Variants in ZDHHC11B observed in about 807,000 individuals in gnomAD.
The protein encoded by ZDHHC11B is zDHHC palmitoyltransferase 11B (putative), also known as probable palmitoyltransferase ZDHHC11B.
Under a neutral mutation model 42.3 loss-of-function variants are expected in ZDHHC11B, and 17 were observed. The ratio of observed to expected loss-of-function variants is 0.40; its 90% confidence interval spans 0.27 to 0.60. The LOEUF (loss-of-function observed/expected upper bound fraction) is 0.60, where lower values mean the gene tolerates loss of function less well. Ranked by LOEUF, ZDHHC11B falls within the 20% of genes least tolerant of loss-of-function variation. ZDHHC11B has a pLI of 0.41. For missense variants in ZDHHC11B, 262 were observed against 463.2 expected (o/e 0.57, Z 3.99); for synonymous variants, 123 against 193.5 (o/e 0.64, Z 3.02).
At chr5:717,185 T>C (rs1182158432) in intron 12 of ZDHHC11B, among the ~76,000 whole-genome samples, 1 of 151,416 alleles carries the variant, frequency 6.6e-6, no homozygotes. Context: ...AGTGGCGAAA[T>C]GTGGGGCCCA....
intron 1 of ZDHHC11B, among the ~76,000 whole-genome samples, chr5:777,789 C>T (rs1177714732): frequency 6.6e-6 from 1 of 151,992 alleles, no homozygotes; most frequent in Non-Finnish European, 1.5e-5. Flanking sequence ...AGCCCCGCAG[C>T]AGGCGGAGCT....
At position 710,803 on chromosome 5, in the gene ZDHHC11B, C is replaced by T. The variant is rs533357424; in HGVS notation, c.*1487G>A. The T allele has an allele frequency of 7.9e-4, 120 of 150,962 alleles. 1 individual carries two copies. Among genetic ancestry groups the T allele is most frequent in the South Asian group, 2.6e-3 (12 of 4,534 alleles). The allele number at this position is 150,962 out of a possible 1,614,324, so 9.4% of individuals were successfully genotyped here. On this transcript the variant is annotated 3_prime_UTR_variant, in exon 14 of 14. Coordinates refer to ENST00000508859, the MANE Select transcript of ZDHHC11B (RefSeq NM_001351303.2). The stretch of plus-strand genomic sequence containing the variant: ...TTTCCCAGTACTGTGCTCCCATTTC[C>T]GAATACTGTGCTCCCATTTCCCAGT...
intron 13 of ZDHHC11B, among the ~76,000 whole-genome samples, chr5:715,673 C>T (rs1303692324): frequency 5.3e-5 from 8 of 151,664 alleles, no homozygotes; most frequent in Admixed American, 5.3e-4. Context: ...TCTCAAACGC[C>T]TTTTTTCTAG....
intron 12 of ZDHHC11B, among the ~76,000 whole-genome samples, chr5:730,004 A>G (rs955603915): frequency 6.6e-6 from 1 of 151,106 alleles, no homozygotes; most frequent in African/African-American, 2.4e-5. Context: ...TCAGCTTTTT[A>G]GTTTGGAGGG....
At chr5:779,248 C>T (rs1254539555) in intron 1 of ZDHHC11B, among the ~76,000 whole-genome samples, 3 of 150,928 alleles carry the variant, frequency 2.0e-5, no homozygotes, top group Admixed American at 6.6e-5. Context: ...GAAGCTGACT[C>T]ATGAGATGCC....
Position 773,874 on chromosome 5 carries a change from G to C in ZDHHC11B, c.-229-4944C>G, listed in dbSNP as rs1206881622. On this transcript the variant is annotated intron_variant, in intron 1 of 13. Transcript: ENST00000508859. ...AGGGAGTCAGGAGGATGGTGCCTACGGGCTCACCCACAGGTGTGGGCAAGA... is the reference window on the plus strand; with the variant it reads ...AGGGAGTCAGGAGGATGGTGCCTACCGGCTCACCCACAGGTGTGGGCAAGA... Among the ~76,000 whole-genome samples, 4 of 151,940 alleles carry C rather than the reference G, an allele frequency of 2.6e-5. 1 individual carries two copies.
chr5:751,739 C>T (rs114485487), intron 6 of ZDHHC11B, among the ~76,000 whole-genome samples: 3,960 of 126,666 alleles, frequency 0.031, 210 homozygotes, highest in African/African-American at 0.097. Context: ...CTGTGCCATC[C>T]TGTGACGCCC....
chr5:757,616 C>G (rs1264078335), intron 4 of ZDHHC11B, among the ~76,000 whole-genome samples: 1 of 151,954 alleles, frequency 6.6e-6, no homozygotes, highest in Non-Finnish European at 1.5e-5. Flanking sequence ...CTGGTTCCGA[C>G]TGAAATGCAG....
At chr5:732,863 G>T (rs202035548) in intron 11 of ZDHHC11B, among the ~76,000 whole-genome samples, 3 of 151,970 alleles carry the variant, frequency 2.0e-5, no homozygotes, top group South Asian at 4.2e-4. Flanking sequence ...GCCTGGACAA[G>T]AGAGTGAGAT....
In ZDHHC11B at chr5:746,482, G is replaced by A. The variant is rs1156610464; in HGVS notation, c.785-1184C>T. Among the ~76,000 whole-genome samples, 7 of 131,380 alleles carry A rather than the reference G, an allele frequency of 5.3e-5. 1 individual carries two copies. Among genetic ancestry groups the A allele is most frequent in the South Asian group, 6.5e-4 (2 of 3,058 alleles). 86.2% of individuals were successfully genotyped at this position (131,380 alleles called of 152,430 possible). On this transcript the variant is annotated intron_variant, in intron 8 of 13. Transcript: ENST00000508859. ...ATCCTGCCTCCTGCCCACAGCAGCC[G>A]CCTGCCTGTCCTTTCATGTTTCTGC... is the stretch of plus-strand genomic sequence containing the variant.
intron 12 of ZDHHC11B, among the ~76,000 whole-genome samples, chr5:717,359 A>T (rs1298782493): frequency 6.6e-6 from 1 of 151,630 alleles, no homozygotes; most frequent in Non-Finnish European, 1.5e-5. Context: ...CAATGACTTG[A>T]TTGTTTATGT....
intron 1 of ZDHHC11B, among the ~76,000 whole-genome samples, chr5:777,818 A>G (rs578032059): frequency 0.013 from 1,914 of 151,124 alleles, 18 homozygotes; most frequent in African/African-American, 0.031. Context: ...GTACTGCGCC[A>G]CGCGCCCGCA....
chr5:780,056 G>A (rs1221363352), intron 1 of ZDHHC11B, among the ~76,000 whole-genome samples: 2 of 146,042 alleles, frequency 1.4e-5, no homozygotes, highest in Non-Finnish European at 3.0e-5. Context: ...AAATCATAAG[G>A]CTTCCACACA....
At chr5:780,993 A>G (rs1736917561) in intron 1 of ZDHHC11B, among the ~76,000 whole-genome samples, 1 of 146,978 alleles carries the variant, frequency 6.8e-6, no homozygotes, top group Non-Finnish European at 1.5e-5. Flanking sequence ...CCCTGGGCTC[A>G]GGGGGAGGGG....
intron 12 of ZDHHC11B, among the ~76,000 whole-genome samples, chr5:720,661 ACTCTTTTTTT>A (rs1359411123): frequency 1.3e-5 from 2 of 151,838 alleles, no homozygotes; most frequent in African/African-American, 4.9e-5. Context: ...TGGGTTTGTA[ACTCTTTTTTT>A]CTATATAATT....
chr5:777,759 G>C (rs539189155), intron 1 of ZDHHC11B, among the ~76,000 whole-genome samples: 3 of 152,092 alleles, frequency 2.0e-5, no homozygotes, highest in Non-Finnish European at 2.9e-5. Context: ...AGTCTAGCTA[G>C]CTTTCTCTAT....
At chr5:746,110 G>T (rs910828742) in intron 8 of ZDHHC11B, among the ~76,000 whole-genome samples, 1 of 148,978 alleles carries the variant, frequency 6.7e-6, no homozygotes, top group Non-Finnish European at 1.5e-5. Flanking sequence ...CTTAACAAAC[G>T]TTAATAAAAT....
intron 11 of ZDHHC11B, chr5:732,579 G>A (rs1158305823): frequency 6.8e-6 from 3 of 438,138 alleles, no homozygotes; most frequent in Non-Finnish European, 1.4e-5. Flanking sequence ...CAGCCTCACT[G>A]TTCCTCCAGG....
chr5:716,630 A>G (rs1741769770), intron 13 of ZDHHC11B, among the ~76,000 whole-genome samples, 171 bp downstream of exon 13: 1 of 151,800 alleles, frequency 6.6e-6, no homozygotes, highest in African/African-American at 2.4e-5. Flanking sequence ...CACTACTTCT[A>G]AAGATGGACA....
Sources: allele counts gnomAD v4.1 joint callset (sites outside exome capture counted in the v4.1 genomes callset), GRCh38; gene constraint gnomAD v4.1.1; transcripts MANE v1.5; gene names NCBI Gene and HGNC (gene_info 2026-07-23, HGNC 2026-07-21).